RALYL: variants seen among roughly 807,000 people sequenced by gnomAD.
RALYL encodes the protein RALY RNA binding protein like.
A neutral mutation model predicts 35.1 loss-of-function variants in RALYL; 29 were observed. That is an observed-to-expected ratio of 0.83 (90% confidence interval 0.61 to 1.13). The LOEUF is 1.13. RALYL is among the 50% of genes most tolerant of loss of function. RALYL has a pLI of 0.00. For missense variants in RALYL, 359 were observed against 360.4 expected, an observed-to-expected ratio of 1.00 and a Z score of 0.03; for synonymous variants, 120 against 127.6, an observed-to-expected ratio of 0.94 and a Z score of 0.40.
chr8:84,664,875 G>A (rs1343559328), intron 2 of RALYL, among the ~76,000 whole-genome samples: 1 of 152,118 alleles, frequency 6.6e-6, no homozygotes, highest in Non-Finnish European at 1.5e-5. Context: ...GAATAAAAGT[G>A]GTGAAAGAAG....
intron 4 of RALYL, among the ~76,000 whole-genome samples, chr8:84,825,777 A>T (rs1829545236): frequency 6.6e-6 from 1 of 152,158 alleles, no homozygotes; most frequent in East Asian, 1.9e-4. Flanking sequence ...CCGAGGCAGG[A>T]GAACCGCTTG....
At chr8:84,401,530 C>G (rs112106031) in intron 1 of RALYL, among the ~76,000 whole-genome samples, 4,448 of 146,406 alleles carry the variant, frequency 0.03, 214 homozygotes, top group African/African-American at 0.1. Context: ...CCCAGCTACT[C>G]GGGAGGCTGA....
intron 2 of RALYL, among the ~76,000 whole-genome samples, chr8:84,538,424 T>A (rs1199885654): frequency 6.6e-6 from 1 of 152,186 alleles, no homozygotes; most frequent in Non-Finnish European, 1.5e-5. Flanking sequence ...ATGTGGGGAA[T>A]AAAATGTCTG....
chr8:84,371,538 A>AACACACACACAC (rs1855688673), intron 1 of RALYL, among the ~76,000 whole-genome samples: 1 of 109,766 alleles, frequency 9.1e-6, no homozygotes, highest in African/African-American at 4.7e-5. Context: ...ATTTATGATT[A>AACACACACACAC]TCACACACAC....
At chr8:84,815,264 A>T (rs1034998480) in intron 4 of RALYL, among the ~76,000 whole-genome samples, 1 of 152,180 alleles carries the variant, frequency 6.6e-6, no homozygotes, top group Admixed American at 6.5e-5. Flanking sequence ...ATTCATTCTG[A>T]TGTCATCTTA....
chr8:84,238,897 A>G (rs1163245664), intron 1 of RALYL, among the ~76,000 whole-genome samples: 1 of 152,170 alleles, frequency 6.6e-6, no homozygotes, highest in Non-Finnish European at 1.5e-5. Context: ...TTTTATGACA[A>G]TCTATAGCAT....
intron 2 of RALYL, chr8:84,705,863 C>G: frequency 7.1e-7 from 1 of 1,404,622 alleles, no homozygotes; most frequent in Non-Finnish European, 9.3e-7. Context: ...AGCATCTCCC[C>G]TGTAATTTTA....
At chr8:84,867,961 A>C (rs762656993) in intron 6 of RALYL, among the ~76,000 whole-genome samples, 42 of 152,308 alleles carry the variant, frequency 2.8e-4, no homozygotes, top group African/African-American at 9.4e-4. Context: ...AGATAATTTC[A>C]ATATCAGGTG....
chr8:84,840,224 A>AT (rs1230139912), intron 4 of RALYL, among the ~76,000 whole-genome samples: 1 of 151,994 alleles, frequency 6.6e-6, no homozygotes, highest in African/African-American at 2.4e-5. Flanking sequence ...CCTTGAAAAA[A>AT]AAATGAGACA....
intron 2 of RALYL, among the ~76,000 whole-genome samples, chr8:84,687,183 A>G (rs1836979847): frequency 6.6e-6 from 1 of 152,198 alleles, no homozygotes; most frequent in Non-Finnish European, 1.5e-5. Flanking sequence ...TTCTATTTCA[A>G]ATTAACAAAA....
At chr8:84,864,587 T>A (rs1276462499) in intron 6 of RALYL, 1 of 229,138 alleles carries the variant, frequency 4.4e-6, no homozygotes, top group Non-Finnish European at 8.6e-6. Context: ...TTTAAAAGAT[T>A]TATCCTAAGG....
At chr8:84,258,250 T>G (rs1298774142) in intron 1 of RALYL, among the ~76,000 whole-genome samples, 1 of 152,138 alleles carries the variant, frequency 6.6e-6, no homozygotes, top group Non-Finnish European at 1.5e-5. Flanking sequence ...ATGGGTGAGT[T>G]TCTCAGGATT....
intron 2 of RALYL, among the ~76,000 whole-genome samples, chr8:84,623,351 A>G (rs547293342): frequency 6.6e-6 from 1 of 152,100 alleles, no homozygotes; most frequent in Non-Finnish European, 1.5e-5. Context: ...ATCACTACCC[A>G]TTTTCACTTC....
chr8:84,302,486 T>C (rs1310613558), intron 1 of RALYL, among the ~76,000 whole-genome samples: 1 of 152,180 alleles, frequency 6.6e-6, no homozygotes, highest in Non-Finnish European at 1.5e-5. Context: ...TCCACCCTCT[T>C]TACTCTTTTT....
chr8:84,215,561 A>G (rs1477797640), intron 1 of RALYL, among the ~76,000 whole-genome samples: 1 of 151,316 alleles, frequency 6.6e-6, no homozygotes, highest in Non-Finnish European at 1.5e-5. Flanking sequence ...ATCCCAGGCC[A>G]TATTTTTTAA....
intron 4 of RALYL, among the ~76,000 whole-genome samples, chr8:84,847,411 C>T (rs1345156164): frequency 6.6e-6 from 1 of 152,164 alleles, no homozygotes; most frequent in Non-Finnish European, 1.5e-5. Flanking sequence ...ACTGTGTCAC[C>T]TCTCTGTTGA....
chr8:84,189,697 G>T (rs1813394266), intron 1 of RALYL, among the ~76,000 whole-genome samples: 1 of 150,644 alleles, frequency 6.6e-6, no homozygotes. Flanking sequence ...TTCCTACACA[G>T]ATATGCTTCA....
intron 1 of RALYL, among the ~76,000 whole-genome samples, chr8:84,309,429 A>G (rs1326194587): frequency 7.0e-6 from 1 of 143,786 alleles, no homozygotes; most frequent in Non-Finnish European, 1.6e-5. Context: ...AAAATTAAAA[A>G]GTAAGATTCC....
intron 1 of RALYL, among the ~76,000 whole-genome samples, chr8:84,232,050 G>GA (rs1461161857): frequency 6.6e-6 from 1 of 152,054 alleles, no homozygotes; most frequent in South Asian, 2.1e-4. Flanking sequence ...TCATTTGGGG[G>GA]AAAAAAGGTC....
Sources: allele counts gnomAD v4.1 joint callset (sites outside exome capture counted in the v4.1 genomes callset), GRCh38; gene constraint gnomAD v4.1.1; transcripts MANE v1.5; gene names NCBI Gene and HGNC (gene_info 2026-07-23, HGNC 2026-07-21).